Variants in CCDC192 observed in about 807,000 individuals in gnomAD.
CCDC192 encodes coiled-coil domain containing 192, also known as coiled-coil domain-containing protein 192.
At chr5:127,811,549 T>A (rs1758083037) in intron 5 of CCDC192, among the ~76,000 whole-genome samples, 1 of 152,196 alleles carries the variant, frequency 6.6e-6, no homozygotes, top group African/African-American at 2.4e-5. Context: ...TGAGTCAAAA[T>A]GTGATATATT....
chr5:127,740,769 G>A (rs1399568638), intron 2 of CCDC192, among the ~76,000 whole-genome samples: 2 of 152,054 alleles, frequency 1.3e-5, no homozygotes, highest in Non-Finnish European at 2.9e-5. Context: ...ATCAACTTGG[G>A]CAATGAAATG....
intron 2 of CCDC192, among the ~76,000 whole-genome samples, chr5:127,752,979 G>C (rs538215321): frequency 6.6e-6 from 1 of 151,958 alleles, no homozygotes; most frequent in Non-Finnish European, 1.5e-5. Flanking sequence ...GGGTCGCGTC[G>C]GTGTGCGCAC....
chr5:127,710,099 G>GC (rs1751235868), intron 2 of CCDC192, among the ~76,000 whole-genome samples: 1 of 152,156 alleles, frequency 6.6e-6, no homozygotes, highest in South Asian at 2.1e-4. Flanking sequence ...GATCCCTGGG[G>GC]CTTGAAGGAA....
chr5:127,772,368 A>G (rs1755604999), intron 3 of CCDC192, among the ~76,000 whole-genome samples: 1 of 151,628 alleles, frequency 6.6e-6, no homozygotes, highest in Non-Finnish European at 1.5e-5. Context: ...CTGGAGCAGG[A>G]GAATCACTTG....
chr5:127,708,207 C>A (rs1489255771), intron 2 of CCDC192, among the ~76,000 whole-genome samples: 1 of 152,092 alleles, frequency 6.6e-6, no homozygotes, highest in Non-Finnish European at 1.5e-5. Context: ...CCAGATACAT[C>A]TAGTTTTATT....
At chr5:127,925,765 C>T (rs1753845578) in intron 6 of CCDC192, among the ~76,000 whole-genome samples, 1 of 152,158 alleles carries the variant, frequency 6.6e-6, no homozygotes, top group Admixed American at 6.6e-5. Context: ...TTCGCTTAAA[C>T]CACTTTCATG....
intron 6 of CCDC192, among the ~76,000 whole-genome samples, chr5:127,913,918 A>G (rs1753444706): frequency 6.6e-6 from 1 of 152,238 alleles, no homozygotes; most frequent in African/African-American, 2.4e-5. Flanking sequence ...GGGATGAAGG[A>G]ATACATAGCT....
intron 2 of CCDC192, among the ~76,000 whole-genome samples, chr5:127,739,107 T>C (rs1304263977): frequency 6.6e-6 from 1 of 152,166 alleles, no homozygotes; most frequent in African/African-American, 2.4e-5. Context: ...GATGGGTTTT[T>C]GGTGTGGATG....
chr5:127,868,009 CTTTTTTT>C (rs11440985), intron 5 of CCDC192, among the ~76,000 whole-genome samples: 1 of 133,486 alleles, frequency 7.5e-6, no homozygotes, highest in Non-Finnish European at 1.6e-5. Flanking sequence ...TTTTCTTTTT[CTTTTTTT>C]TTTTTTTTTC....
At chr5:127,711,935 A>G (rs1398976275) in intron 2 of CCDC192, among the ~76,000 whole-genome samples, 1 of 151,976 alleles carries the variant, frequency 6.6e-6, no homozygotes, top group Non-Finnish European at 1.5e-5. Context: ...ATACAAGTTG[A>G]TGAGTTTTGA....
At position 127,917,476 on chromosome 5, in the gene CCDC192, C is replaced by G. The variant is rs559483582; in HGVS notation, c.536-23706C>G. Among the ~76,000 whole-genome samples the G allele has an allele frequency of 3.3e-5, 5 of 152,170 alleles. No homozygotes were observed. The South Asian group carries it at 6.2e-4, about 19-fold the overall frequency. On this transcript the variant is annotated intron_variant, in intron 6 of 6. Coordinates refer to ENST00000514853, the MANE Select transcript of CCDC192 (RefSeq NM_001317938.2). Reference sequence around the variant, plus strand: ...CCTCACTAAGCTTAATCTTTTCTAGCTTTTGATTTAAAGTAAAACAAGTGT... The same window carrying G: ...CCTCACTAAGCTTAATCTTTTCTAGGTTTTGATTTAAAGTAAAACAAGTGT...
intron 2 of CCDC192, among the ~76,000 whole-genome samples, chr5:127,725,277 T>G (rs1752257011): frequency 6.6e-6 from 1 of 152,174 alleles, no homozygotes. Context: ...AGGAAATTTG[T>G]TAAAGTTTGT....
intron 6 of CCDC192, among the ~76,000 whole-genome samples, chr5:127,919,875 C>T (rs1753659580): frequency 6.6e-6 from 1 of 152,214 alleles, no homozygotes; most frequent in Non-Finnish European, 1.5e-5. Context: ...GATAGATGCA[C>T]TATTTTGACA....
upstream of CCDC192, among the ~76,000 whole-genome samples, chr5:127,703,008 A>G (rs946313822): frequency 6.6e-6 from 1 of 152,210 alleles, no homozygotes; most frequent in Admixed American, 6.5e-5. Context: ...CAGGGAAAGC[A>G]GATCATCACA....
rs1049563637 is a variant in CCDC192, at chr5:127,797,173, C to T, written c.293C>T (p.Ala98Val). 2.5e-6 allele frequency: 1 copy of T among 398,254 alleles called. No homozygotes were observed. The highest frequency in any genetic ancestry group is 2.1e-5 in the African/African-American group (1 of 48,564). 24.7% of individuals were successfully genotyped at this position (398,254 alleles called of 1,614,324 possible). ...QVSRLEEKLE[A>V]VDHKEASGGP... ...TCCCGGCTGGAGGAAAAACTGGAGG[C>T]TGTGGACCACAAGGAAGCCAGTGGG... Residue 98 changes from alanine (A) to valine (V), a missense_variant, in exon 4 of 7, where the codon GCT becomes GTT. Coordinates refer to ENST00000514853, the MANE Select transcript of CCDC192 (RefSeq NM_001317938.2).
At chr5:127,764,749 A>T (rs1375803848) in intron 3 of CCDC192, among the ~76,000 whole-genome samples, 3 of 152,104 alleles carry the variant, frequency 2.0e-5, no homozygotes, top group African/African-American at 4.8e-5. Context: ...AAAAAAAAAA[A>T]TTCACAAAAA....
chr5:127,814,242 G>A (rs966291367), intron 5 of CCDC192, among the ~76,000 whole-genome samples: 3 of 152,160 alleles, frequency 2.0e-5, no homozygotes, highest in Non-Finnish European at 4.4e-5. Flanking sequence ...GGGAATAGTC[G>A]GAAATCAGAA....
chr5:127,727,849 A>G (rs1372345366), intron 2 of CCDC192, among the ~76,000 whole-genome samples: 1 of 151,398 alleles, frequency 6.6e-6, no homozygotes, highest in Admixed American at 6.5e-5. Flanking sequence ...AAGAAAATAA[A>G]TGACCTGATG....
intron 3 of CCDC192, among the ~76,000 whole-genome samples, chr5:127,792,083 T>G (rs751855306): frequency 1.8e-4 from 27 of 152,060 alleles, no homozygotes; most frequent in Non-Finnish European, 1.2e-4. Context: ...AGGCCAAGTT[T>G]GGTGGATTGC....
Sources: gnomAD v4.1 joint callset for allele counts (sites outside exome capture counted in the v4.1 genomes callset) on GRCh38, gnomAD v4.1.1 for gene constraint, MANE v1.5 for transcripts, NCBI Gene and HGNC (gene_info 2026-07-23, HGNC 2026-07-21) for gene names.